Variants in ZEB2 observed in about 807,000 individuals in gnomAD.
ZEB2 encodes the protein zinc finger E-box binding homeobox 2, also known as zinc finger E-box-binding homeobox 2.
A neutral mutation model predicts 99.9 loss-of-function variants in ZEB2; 6 were observed. The ratio of observed to expected loss-of-function variants is 0.06; its 90% confidence interval spans 0.03 to 0.12. The LOEUF is 0.12. Among genes scored for constraint, ZEB2 ranks in the 10% least tolerant of loss-of-function variants. The probability of loss-of-function intolerance (pLI) is 1.00; values close to 1 mark genes in which losing one functional copy is unlikely to be tolerated. For missense variants in ZEB2, 969 were observed against 1,502.8 expected (o/e 0.64, Z 5.87); for synonymous variants, 517 against 542.5 (o/e 0.95, Z 0.65).
intron 2 of ZEB2, among the ~76,000 whole-genome samples, chr2:144,489,342 A>C (rs897904486): frequency 2.0e-5 from 3 of 152,016 alleles, no homozygotes; most frequent in Non-Finnish European, 4.4e-5. Flanking sequence ...TTGTTTATTC[A>C]TGTTTCTTTT....
intron 2 of ZEB2, among the ~76,000 whole-genome samples, chr2:144,473,955 C>T (rs1446547137): frequency 6.6e-6 from 1 of 152,078 alleles, no homozygotes; most frequent in Admixed American, 6.6e-5. Context: ...ATGATTCATC[C>T]GGTTTTCTCA....
In ZEB2 at chr2:144,389,656, C is replaced by A. The variant is rs755538065; in HGVS notation, c.3440G>T (p.Gly1147Val). Residue 1147 changes from glycine to valine, a missense_variant, in exon 10 of 10, where the codon GGC becomes GTC. Physicochemically the swap from Gly to Val is moderately radical, Grantham distance 109. Transcript: ENST00000627532. The surrounding 1 kb of genome is among the most constrained non-coding windows in gnomAD (Gnocchi z 6.8). ...ATCCTGTCTGCCCAGCTTCCCGTAG[C>A]CATCCTCGCCTTCTTTCTCGTGCTC... is the stretch of plus-strand genomic sequence containing the variant. ...EKEHEKEGED[G>V]YGKLGRQDGD... 1 of 1,614,142 alleles carries A rather than the reference C, an allele frequency of 6.2e-7. No individual in the cohort carries two copies. Among genetic ancestry groups the A allele is most frequent in the South Asian group, 1.1e-5 (1 of 91,084 alleles).
intron 4 of ZEB2, among the ~76,000 whole-genome samples, chr2:144,411,919 A>C (rs887777222): frequency 6.6e-6 from 1 of 152,210 alleles, no homozygotes; most frequent in Non-Finnish European, 1.5e-5. Context: ...CTAACACTCA[A>C]CGATTTTGAT....
rs961301776 is a variant in ZEB2 at position 144,473,090 on chromosome 2, G to A, written c.74-43064C>T. Among the ~76,000 whole-genome samples, 12 of 152,192 alleles carry A rather than the reference G, an allele frequency of 7.9e-5. 1 individual carries two copies. The highest frequency in any genetic ancestry group is 1.2e-4 in the Non-Finnish European group (8 of 68,032). On this transcript the variant is annotated intron_variant, in intron 2 of 9. Coordinates refer to ENST00000627532, the MANE Select transcript of ZEB2 (RefSeq NM_014795.4). ...GGCTGCAAAGTCCCCATGGGCCAAG[G>A]CCAAAGCCTAGACTAAGACCACAAC...
At chr2:144,496,314 C>A (rs1421555115) in intron 2 of ZEB2, 1 of 152,212 alleles carries the variant, frequency 6.6e-6, no homozygotes, top group Non-Finnish European at 1.5e-5. Context: ...TTACCAAATT[C>A]CACTGTTTTG....
intron 2 of ZEB2, chr2:144,512,166 T>C (rs1240840804): frequency 2.3e-6 from 3 of 1,287,226 alleles, no homozygotes; most frequent in Non-Finnish European, 3.0e-6. Flanking sequence ...CAATTGTCTG[T>C]GAGCATTGCA....
intron 2 of ZEB2, among the ~76,000 whole-genome samples, chr2:144,477,926 C>A (rs1446584884): frequency 6.6e-6 from 1 of 152,106 alleles, no homozygotes; most frequent in Non-Finnish European, 1.5e-5. Flanking sequence ...TTCCTAGAAT[C>A]TATTGCTTTT....
At chr2:144,464,817 C>G (rs1339356761) in intron 2 of ZEB2, among the ~76,000 whole-genome samples, 1 of 152,196 alleles carries the variant, frequency 6.6e-6, no homozygotes, top group Non-Finnish European at 1.5e-5. Flanking sequence ...CTTTTACATA[C>G]ATTCCAGACA....
rs10639317 is a variant in ZEB2 at position 144,515,797 on chromosome 2, TAGAGAGAGAG to T, written c.73+1471_73+1480del. Among the ~76,000 whole-genome samples the T allele has an allele frequency of 1.2e-3, 180 of 146,848 alleles. 3 individuals carry two copies. In the East Asian group the frequency reaches 0.034, roughly 27 times the overall value. On this transcript the variant is annotated intron_variant, in intron 2 of 9. Coordinates refer to ENST00000627532, the MANE Select transcript of ZEB2 (RefSeq NM_014795.4). ...CACACGCGTACACACACACAAAACCTAGAGAGAGAGAGAGAGAGAGAGAAAAGCATCATTT... is the reference window on the plus strand; with the variant it reads ...CACACGCGTACACACACACAAAACCTAGAGAGAGAGAGAAAAGCATCATTT...
intron 4 of ZEB2, among the ~76,000 whole-genome samples, chr2:144,414,315 C>T (rs1441340757): frequency 3.9e-5 from 6 of 152,064 alleles, no homozygotes; most frequent in Non-Finnish European, 5.9e-5. Context: ...TGGTGGGGCC[C>T]AGTGTAAAAT....
In ZEB2 at chr2:144,404,858, C is replaced by T. The variant is rs1471305973; in HGVS notation, c.570G>A (p.Glu190=). ...PEELSRLGTP[E]ANGQEENDLP... ...CACCATTTTCTTCTTGCCCATTGGC[C>T]TCTGGCGTGCCAAGGCGAGACAGCT... Residue 190 remains glutamate, a synonymous_variant, in exon 5 of 10, where the codon GAG becomes GAA. Coordinates refer to ENST00000627532, the MANE Select transcript of ZEB2 (RefSeq NM_014795.4). 6.2e-7 allele frequency: 1 copy of T among 1,614,124 alleles called. No individual in the cohort carries two copies.
At chr2:144,515,516 A>AAG (rs1190911493) in intron 2 of ZEB2, among the ~76,000 whole-genome samples, 8 of 134,298 alleles carry the variant, frequency 6.0e-5, no homozygotes, top group South Asian at 2.3e-4. Context: ...AAATTAAATT[A>AAG]AGAGAGAGAG....
At chr2:144,462,221 T>C (rs1333967145) in intron 2 of ZEB2, 1 of 152,148 alleles carries the variant, frequency 6.6e-6, no homozygotes, top group East Asian at 1.9e-4. Context: ...AATCCAAATA[T>C]AACTGCTCTG....
intron 2 of ZEB2, among the ~76,000 whole-genome samples, chr2:144,438,582 T>A (rs1433198307): frequency 2.0e-5 from 3 of 152,088 alleles, no homozygotes. Context: ...AAAATTCTAA[T>A]CTCAGTCAAT....
At chr2:144,496,641 C>T (rs1270104924) in intron 2 of ZEB2, 3 of 152,080 alleles carry the variant, frequency 2.0e-5, no homozygotes, top group South Asian at 2.1e-4. Context: ...AACATGTAAC[C>T]GTAGACTTTC....
chr2:144,464,624 T>C (rs1444611364), intron 2 of ZEB2, among the ~76,000 whole-genome samples: 1 of 152,208 alleles, frequency 6.6e-6, no homozygotes, highest in Non-Finnish European at 1.5e-5. Flanking sequence ...ATAAGCATAA[T>C]TGTTTTTTTG....
intron 6 of ZEB2, 88 bp from the exon 7 acceptor site, chr2:144,401,395 C>T: frequency 7.7e-7 from 1 of 1,293,676 alleles, no homozygotes; most frequent in Non-Finnish European, 1.1e-6. Context: ...CTCTGTTTTT[C>T]AGACAGGCCA....
intron 2 of ZEB2, among the ~76,000 whole-genome samples, chr2:144,442,811 T>G (rs1703933750): frequency 6.6e-6 from 1 of 152,182 alleles, no homozygotes; most frequent in South Asian, 2.1e-4. Context: ...GATATCAGTT[T>G]AAGTTTTTTT....
intron 2 of ZEB2, among the ~76,000 whole-genome samples, chr2:144,477,734 T>C (rs1165882420): frequency 6.6e-6 from 1 of 152,162 alleles, no homozygotes; most frequent in Non-Finnish European, 1.5e-5. Flanking sequence ...CTCTAATAGC[T>C]CAGGATGCTG....
Sources: gnomAD v4.1 joint callset for allele counts (sites outside exome capture counted in the v4.1 genomes callset) on GRCh38, gnomAD v4.1.1 for gene constraint, Gnocchi (gnomAD v3.1) non-coding constraint, MANE v1.5 for transcripts, NCBI Gene and HGNC (gene_info 2026-07-23, HGNC 2026-07-21) for gene names.